Variants in TSKS observed in about 807,000 individuals in gnomAD.
TSKS encodes testis specific serine kinase substrate.
TSKS carries 27 observed loss-of-function variants against 68.0 expected under a neutral mutation model. The observed-to-expected ratio is 0.40, with a 90% CI of 0.29 to 0.55. TSKS has a LOEUF of 0.55. Ranked by LOEUF, TSKS falls within the 20% of genes least tolerant of loss-of-function variation. The pLI is 0.53. For missense variants in TSKS, 806 were observed against 776.0 expected, an observed-to-expected ratio of 1.04 and a Z score of -0.46; for synonymous variants, 331 against 340.4, an observed-to-expected ratio of 0.97 and a Z score of 0.30.
rs1173906529 is a variant in TSKS at position 49,746,478 on chromosome 19, T to G, written c.984A>C (p.Glu328Asp). ...CCCTAGGTCCCGCCCACCTCAGCTC[T>G]TCGATGCCGGTGAACAGCTTCTGCA... The part of the protein sequence containing the change: ...QELQKLFTGI[E>D]ELRREVSSLT... The change falls in exon 6 of 11, where the codon GAA becomes GAC. Residue 328 changes from glutamate (E) to aspartate (D), a missense_variant. Glu to Asp is a conservative substitution (Grantham distance 45, BLOSUM62 2). Transcript: ENST00000246801. The G allele has an allele frequency of 6.2e-7, 1 of 1,613,808 alleles. No homozygotes were observed. Among genetic ancestry groups the G allele is most frequent in the African/African-American group, 1.3e-5 (1 of 74,946 alleles).
Position 49,746,541 on chromosome 19 carries a change from A to G in TSKS, c.921T>C (p.Pro307=), listed in dbSNP as rs2084302534. 2 of 1,613,612 alleles carry G rather than the reference A, an allele frequency of 1.2e-6. No homozygotes were observed. Among genetic ancestry groups the G allele is most frequent in the Non-Finnish European group, 1.7e-6 (2 of 1,179,890 alleles). Reference sequence around the variant, plus strand: ...TCACGTAGGGGCCCTCGCCAGCCCGAGGCCCCATTCCCCAGCCTGCGGGGA... The same window carrying G: ...TCACGTAGGGGCCCTCGCCAGCCCGGGGCCCCATTCCCCAGCCTGCGGGGA... The part of the protein sequence containing the change: ...GLVPAGWGMG[P]RAGEGPYVSE... Residue 307 remains proline (P), a synonymous_variant, in exon 6 of 11, where the codon CCT becomes CCC. Transcript: ENST00000246801.
At chr19:49,744,091 C>G (rs911247542) in intron 8 of TSKS, 140 bp downstream of exon 8, 14 of 817,096 alleles carry the variant, frequency 1.7e-5, no homozygotes, top group Non-Finnish European at 1.7e-5. Flanking sequence ...GCAGCAGGAC[C>G]GGCTGTTTCT....
At chr19:49,751,730 A>G (rs967666996) in intron 2 of TSKS, among the ~76,000 whole-genome samples, 3 of 152,036 alleles carry the variant, frequency 2.0e-5, no homozygotes, top group Admixed American at 1.3e-4. Context: ...TAGTTGAAGG[A>G]AAGATTTGGA....
chr19:49,762,563 G>A (rs1034471965), intron 1 of TSKS, among the ~76,000 whole-genome samples: 1 of 151,902 alleles, frequency 6.6e-6, no homozygotes, highest in Non-Finnish European at 1.5e-5. Flanking sequence ...TGAGTAGCTG[G>A]GGTTATAGGC....
At chr19:49,757,925 T>TCTGTCAC (rs1030067363) in intron 2 of TSKS, among the ~76,000 whole-genome samples, 1 of 145,918 alleles carries the variant, frequency 6.9e-6, no homozygotes, top group African/African-American at 2.5e-5. Flanking sequence ...AGAGTCTCAC[T>TCTGTCAC]CTGTCACCAG....
intron 2 of TSKS, among the ~76,000 whole-genome samples, chr19:49,754,488 G>C (rs1434740104): frequency 6.6e-6 from 1 of 151,202 alleles, no homozygotes; most frequent in Non-Finnish European, 1.5e-5. Context: ...GATAGAGTGA[G>C]ACTCCATCTC....
chr19:49,742,976 A>C (rs2084264438), intron 8 of TSKS, among the ~76,000 whole-genome samples: 1 of 151,912 alleles, frequency 6.6e-6, no homozygotes, highest in Non-Finnish European at 1.5e-5. Flanking sequence ...CTCACAATAC[A>C]CCAAGGTCTC....
At position 49,744,302 on chromosome 19, in the gene TSKS, G is replaced by C. The variant is rs2084277827; in HGVS notation, c.1290C>G (p.Asn430Lys). Residue 430 changes from asparagine (N) to lysine (K), a missense_variant, in exon 8 of 11, where the codon AAC becomes AAG. Transcript: ENST00000246801. ...TGGAGAGGTCAGGCCCTCTTCGAGA[G>C]TTCTGAAATTGCCGCCCGAACTCCT... ...ILEEFGRQFQ[N>K]SRRGPDLSMN... 6.2e-7 allele frequency: 1 copy of C among 1,614,024 alleles called. No homozygotes were observed. The highest frequency in any genetic ancestry group is 1.3e-5 in the African/African-American group (1 of 74,916).
At chr19:49,747,934 C>A in intron 4 of TSKS, 151 bp downstream of exon 4, 1 of 726,800 alleles carries the variant, frequency 1.4e-6, no homozygotes, top group Non-Finnish European at 2.4e-6. Flanking sequence ...GTCTCAAACT[C>A]CTGACCTCAG....
chr19:49,751,008 G>C (rs1208381678), intron 2 of TSKS, among the ~76,000 whole-genome samples: 1 of 151,968 alleles, frequency 6.6e-6, no homozygotes, highest in East Asian at 1.9e-4. Flanking sequence ...CAAAATGGTG[G>C]ATTAAATAAT....
intron 2 of TSKS, among the ~76,000 whole-genome samples, chr19:49,757,714 C>T (rs988424131): frequency 2.0e-5 from 3 of 151,340 alleles, no homozygotes; most frequent in African/African-American, 7.3e-5. Flanking sequence ...CCCCTCTTTC[C>T]AGTTCTCTGT....
intron 2 of TSKS, among the ~76,000 whole-genome samples, chr19:49,760,411 C>T (rs1157944807): frequency 6.6e-6 from 1 of 151,760 alleles, no homozygotes; most frequent in African/African-American, 2.4e-5. Context: ...ACCTCCGCCT[C>T]CCGGGTTCAA....
At chr19:49,761,498 C>A (rs994666027) in intron 2 of TSKS, among the ~76,000 whole-genome samples, 4 of 152,150 alleles carry the variant, frequency 2.6e-5, no homozygotes, top group African/African-American at 7.2e-5. Context: ...TTCCCTGGTA[C>A]CCCCCAGCCT....
At chr19:49,755,425 T>A (rs985565822) in intron 2 of TSKS, among the ~76,000 whole-genome samples, 1 of 152,108 alleles carries the variant, frequency 6.6e-6, no homozygotes, top group Non-Finnish European at 1.5e-5. Flanking sequence ...CCGGGCCAAG[T>A]GACTCACTGC....
At chr19:49,751,187 C>A (rs1324286744) in intron 2 of TSKS, among the ~76,000 whole-genome samples, 1 of 151,036 alleles carries the variant, frequency 6.6e-6, no homozygotes, top group Non-Finnish European at 1.5e-5. Flanking sequence ...AGTTGTAATC[C>A]CAGCTACTTG....
chr19:49,745,619 C>T (rs1239589958), intron 6 of TSKS, among the ~76,000 whole-genome samples: 1 of 152,098 alleles, frequency 6.6e-6, no homozygotes, highest in Non-Finnish European at 1.5e-5. Flanking sequence ...TATTGGCTAT[C>T]TTGGCCCTTT....
In TSKS at chr19:49,739,828, C is replaced by T. The variant is rs748688452; in HGVS notation, c.1727G>A (p.Gly576Asp). The change falls in exon 11 of 11, where the codon GGC becomes GAC. Residue 576 changes from glycine (G) to aspartate (D), a missense_variant. Coordinates refer to ENST00000246801, the MANE Select transcript of TSKS (RefSeq NM_021733.2). Reference protein sequence around the residue: ...LEGSTGTMGGGSSAGTPPKQG... With the variant: ...LEGSTGTMGGDSSAGTPPKQG... ...TTTTGGGGGGGTTCCTGCACTGCTG[C>T]CTCCCCCCATTGTTCCCGTGGACCC... 1 of 1,610,100 alleles carries T rather than the reference C, an allele frequency of 6.2e-7. No individual in the cohort carries two copies. The highest frequency in any genetic ancestry group is 8.5e-7 in the Non-Finnish European group (1 of 1,176,464).
At chr19:49,742,493 G>GC (rs1295569983) in intron 8 of TSKS, among the ~76,000 whole-genome samples, 2 of 139,334 alleles carry the variant, frequency 1.4e-5, no homozygotes, top group Non-Finnish European at 3.1e-5. Context: ...ACCGGGCCCG[G>GC]CCCTTTTTTT....
chr19:49,744,447 G>C lies in TSKS; in HGVS notation c.1188-43C>G, dbSNP rs767508848. On this transcript the variant is annotated intron_variant, in intron 7 of 10. Coordinates refer to ENST00000246801, the MANE Select transcript of TSKS (RefSeq NM_021733.2). ...AGTGCTGCTGGGTCGTCTCTTCAGC[G>C]GTATAACCCTGGCAAGACTCCACCC... 3.8e-6 allele frequency: 6 copies of C among 1,583,106 alleles called. 1 individual carries two copies. The highest frequency in any genetic ancestry group is 1.7e-5 in the Admixed American group (1 of 58,252).
Sources: gnomAD v4.1 joint callset for allele counts (sites outside exome capture counted in the v4.1 genomes callset) on GRCh38, gnomAD v4.1.1 for gene constraint, MANE v1.5 for transcripts, NCBI Gene and HGNC (gene_info 2026-07-23, HGNC 2026-07-21) for gene names.